Variants in CPSF4L observed in about 807,000 individuals in gnomAD.
CPSF4L encodes cleavage and polyadenylation specific factor 4 like, also known as putative cleavage and polyadenylation specificity factor subunit 4-like protein.
In CPSF4L, 18 loss-of-function variants were observed where a neutral mutation model predicts 24.0. The ratio of observed to expected loss-of-function variants is 0.75; its 90% CI spans 0.52 to 1.11. The LOEUF (loss-of-function observed/expected upper bound fraction) is 1.11, where lower values mean the gene tolerates loss of function less well. Among genes scored for constraint, CPSF4L ranks in the 50% least tolerant of loss-of-function variants. The pLI, the probability that CPSF4L is intolerant of heterozygous loss-of-function variation, is 0.00. For synonymous variants in CPSF4L, 72 were observed against 77.2 expected (o/e 0.93, Z 0.35); for missense variants, 211 against 221.8 (o/e 0.95, Z 0.31).
intron 3 of CPSF4L, among the ~76,000 whole-genome samples, chr17:73,256,597 G>A (rs1488622266): frequency 6.6e-6 from 1 of 152,208 alleles, no homozygotes; most frequent in African/African-American, 2.4e-5. Flanking sequence ...AATCCGTAAG[G>A]CTCCTTCCAG....
rs935352136 is a variant in CPSF4L at position 73,248,560 on chromosome 17, C to T, written c.498-24G>A. 8 of 1,551,168 alleles carry T rather than the reference C, an allele frequency of 5.2e-6. 1 individual carries two copies. The highest frequency in any genetic ancestry group is 4.1e-5 in the African/African-American group (3 of 73,142). Reference sequence around the variant, plus strand: ...TCCTGCAAGGTGCATACAAATGCAGCGTGAGAATCCATACACGTAATCCAT... The same window carrying T: ...TCCTGCAAGGTGCATACAAATGCAGTGTGAGAATCCATACACGTAATCCAT... On this transcript the variant is annotated intron_variant, in intron 5 of 5. Coordinates refer to ENST00000344935, the MANE Select transcript of CPSF4L (RefSeq NM_001129885.1).
chr17:73,257,640 C>A lies in CPSF4L; in HGVS notation c.307+41G>T, dbSNP rs572514397. On this transcript the variant is annotated intron_variant, in intron 3 of 5. Coordinates refer to ENST00000344935, the MANE Select transcript of CPSF4L (RefSeq NM_001129885.1). ...CTTCCCATCTCACAGCCCACACTGC[C>A]ACCCTCCAGGGTGAGGCACCGAGCC... The A allele has an allele frequency of 2.6e-6, 4 of 1,546,420 alleles. No individual in the cohort carries two copies. In the East Asian group the frequency reaches 9.8e-5, roughly 38 times the overall value.
chr17:73,251,149 C>T, intron 5 of CPSF4L: 1 of 1,484,068 alleles, frequency 6.7e-7, no homozygotes, highest in South Asian at 1.4e-5. Context: ...CAGATAGTCC[C>T]TGTGTGCAGA....
At chr17:73,243,002 GAGTA>G in the CPSF4L span, 2 of 1,610,436 alleles carry the variant, frequency 1.2e-6, no homozygotes, top group Non-Finnish European at 1.7e-6. Context: ...TCAGACGTCT[GAGTA>G]AGTCTTTCTA....
Position 73,252,632 on chromosome 17 carries a change from A to G in CPSF4L, c.495T>C (p.Ala165=), listed in dbSNP as rs1385745464. Residue 165 remains alanine (A), a splice_region_variant and synonymous_variant, in exon 5 of 6, where the codon GCT becomes GCC. Coordinates refer to ENST00000344935, the MANE Select transcript of CPSF4L (RefSeq NM_001129885.1). Reference sequence around the variant, plus strand: ...GGTAACTGAGGGATCATACTTACTGAGCAAATTGGCACTTGGGTCCCTCGG... The same window carrying G: ...GGTAACTGAGGGATCATACTTACTGGGCAAATTGGCACTTGGGTCCCTCGG... The part of the protein sequence containing the change: ...FCPEGPKCQF[A]QKIREFKLLP... 4.5e-6 allele frequency: 7 copies of G among 1,543,818 alleles called. No individual in the cohort carries two copies. Among genetic ancestry groups the G allele is most frequent in the Non-Finnish European group, 6.1e-6 (7 of 1,139,922 alleles).
intron 2 of CPSF4L, among the ~76,000 whole-genome samples, chr17:73,258,909 G>T (rs1391247377): frequency 6.6e-6 from 1 of 152,208 alleles, no homozygotes. Flanking sequence ...ACCTAACAGG[G>T]TGACAGAAGA....
intron 5 of CPSF4L, chr17:73,251,092 G>A (rs752983669): frequency 2.5e-5 from 39 of 1,545,564 alleles, no homozygotes; most frequent in Non-Finnish European, 2.8e-5. Flanking sequence ...TCCCGGGGCC[G>A]GCTGGCAAGC....
the CPSF4L span, chr17:73,242,768 A>C: frequency 1.5e-6 from 1 of 670,288 alleles, no homozygotes; most frequent in South Asian, 1.9e-5. Flanking sequence ...ATGTGTTTAA[A>C]ATATGTGCGT....
At chr17:73,257,942 T>C in intron 2 of CPSF4L, 109 bp from the exon 3 acceptor site, 1 of 1,176,512 alleles carries the variant, frequency 8.5e-7, no homozygotes, top group Non-Finnish European at 1.2e-6. Flanking sequence ...CCCCAGCGGC[T>C]GTCCCCTTAT....
At chr17:73,243,683 C>T (rs961173071), downstream of CPSF4L, among the ~76,000 whole-genome samples, 1 of 151,966 alleles carries the variant, frequency 6.6e-6, no homozygotes, top group African/African-American at 2.4e-5. Flanking sequence ...TGTGTGTCAC[C>T]ATGCCTGGCT....
chr17:73,247,258 C>G, downstream of CPSF4L: 2 of 1,614,190 alleles, frequency 1.2e-6, no homozygotes, highest in African/African-American at 2.7e-5. Context: ...GTGCCGACCC[C>G]TGCCCTGGAA....
chr17:73,249,570 A>G (rs1191872804), intron 5 of CPSF4L, among the ~76,000 whole-genome samples: 2 of 152,090 alleles, frequency 1.3e-5, no homozygotes, highest in Admixed American at 1.3e-4. Flanking sequence ...CTTTTTACCA[A>G]GGTGGGGGGC....
chr17:73,257,522 G>A (rs986065013), intron 3 of CPSF4L, among the ~76,000 whole-genome samples, 159 bp downstream of exon 3: 20 of 151,074 alleles, frequency 1.3e-4, no homozygotes, highest in South Asian at 2.1e-4. Context: ...GCTTGTCTAG[G>A]GGTTTGGAGA....
At chr17:73,257,660 C>T (rs1245131338) in intron 3 of CPSF4L, 21 bp downstream of exon 3, 24 of 1,550,460 alleles carry the variant, frequency 1.5e-5, no homozygotes, top group African/African-American at 2.7e-5. Context: ...GGTGAGGCAC[C>T]GAGCCAGGAA....
chr17:73,252,532 T>C (rs149062945), intron 5 of CPSF4L, 98 bp downstream of exon 5: 2 of 780,052 alleles, frequency 2.6e-6, no homozygotes, highest in East Asian at 5.3e-5. Context: ...AGATGCTTCA[T>C]TTTCCACTAA....
the CPSF4L span, chr17:73,243,234 A>C: frequency 3.9e-6 from 2 of 510,780 alleles, no homozygotes; most frequent in Non-Finnish European, 7.2e-6. Context: ...AGCTCACTGC[A>C]ACCTCTGCCT....
At chr17:73,260,661 G>A (rs2062041601) in intron 2 of CPSF4L, among the ~76,000 whole-genome samples, 1 of 152,192 alleles carries the variant, frequency 6.6e-6, no homozygotes, top group Admixed American at 6.5e-5. Flanking sequence ...CAGTTACTCG[G>A]GAGGCTGAGG....
rs2062015075 is a variant in CPSF4L at position 73,253,976 on chromosome 17, T to A, written c.358A>T (p.Lys120Ter). The A allele has an allele frequency of 6.4e-7, 1 of 1,551,720 alleles. No homozygotes were observed. The highest frequency in any genetic ancestry group is 1.4e-5 in the African/African-American group (1 of 73,184). The change falls in exon 4 of 6, where the codon AAG (lysine) becomes TAG (stop). Residue 120 changes from lysine (K) to a stop codon, truncating the protein, a stop_gained. Coordinates refer to ENST00000344935, the MANE Select transcript of CPSF4L (RefSeq NM_001129885.1). LOFTEE classifies it high-confidence loss of function. ...TCATACCAAGGACAGTCCTGGGACTTGAAAGCTGGCTTCACATGGAGGAAG... is the reference window on the plus strand; with the variant it reads ...TCATACCAAGGACAGTCCTGGGACTAGAAAGCTGGCTTCACATGGAGGAAG... ...CSFLHVKPAF[K>*]SQDCPWYDQG...
At chr17:73,243,080 T>TTTTTTTTTC in the CPSF4L span, 2 of 649,482 alleles carry the variant, frequency 3.1e-6, no homozygotes, top group Admixed American at 3.5e-5. Context: ...TCTCTGAATT[T>TTTTTTTTTC]TTTTTTTTTT....
Sources: gnomAD v4.1 joint callset for allele counts (sites outside exome capture counted in the v4.1 genomes callset) on GRCh38, gnomAD v4.1.1 for gene constraint, MANE v1.5 for transcripts, NCBI Gene and HGNC (gene_info 2026-07-23, HGNC 2026-07-21) for gene names.